Variants in JSRP1 observed in about 807,000 individuals in gnomAD.
JSRP1 encodes the protein junctional sarcoplasmic reticulum protein 1.
A neutral mutation model predicts 21.4 loss-of-function variants in JSRP1; 29 were observed. That is an observed-to-expected ratio of 1.36 (90% CI 1.01 to 1.85). The LOEUF (loss-of-function observed/expected upper bound fraction) is 1.85, where lower values mean the gene tolerates loss of function less well. JSRP1 is among the 40% of genes most tolerant of loss of function. The probability of loss-of-function intolerance (pLI) is 0.00; values close to 1 mark genes in which losing one functional copy is unlikely to be tolerated. For synonymous variants in JSRP1, 221 were observed against 206.1 expected (o/e 1.07, Z -0.62); for missense variants, 531 against 461.5 (o/e 1.15, Z -1.38).
chr19:2,252,849 G>A (rs2025081277), intron 6 of JSRP1, 53 bp from the exon 7 acceptor site: 1 of 1,596,318 alleles, frequency 6.3e-7, no homozygotes, highest in Non-Finnish European at 8.6e-7. Context: ...CCCCGGCCCG[G>A]GCTCCTTCTT....
chr19:2,256,277 T>A (rs879349229), intron 1 of JSRP1, 106 bp downstream of exon 1: 1 of 152,194 alleles, frequency 6.6e-6, no homozygotes, highest in South Asian at 2.1e-4. Context: ...GCTCCAGGAA[T>A]TGGGGACCCT....
chr19:2,253,223 T>TC (rs376968570), intron 5 of JSRP1, among the ~76,000 whole-genome samples: 6 of 151,966 alleles, frequency 3.9e-5, no homozygotes, highest in African/African-American at 7.3e-5. Context: ...TGGTCATTCT[T>TC]CCCCCCGACC....
chr19:2,252,673 CCTCG>C lies in JSRP1; in HGVS notation c.648_651del (p.Glu217ProfsTer11). ...TCCTCCCGGACGGCCTCTCCGGTGG[CCTCG>C]CCGGGCTCCTCTTCGTCGTTCTCTG... On this transcript the variant is annotated frameshift_variant, in exon 7 of 7. Transcript: ENST00000300961. LOFTEE classifies it low-confidence loss of function (END_TRUNC). The C allele has an allele frequency of 6.2e-7, 1 of 1,612,172 alleles. No homozygotes were observed. The highest frequency in any genetic ancestry group is 8.5e-7 in the Non-Finnish European group (1 of 1,179,944).
chr19:2,255,394 G>A (rs1222989333), intron 1 of JSRP1, 50 bp from the exon 2 acceptor site: 1 of 856,336 alleles, frequency 1.2e-6, no homozygotes, highest in African/African-American at 1.7e-5. Context: ...CTCTGCCACA[G>A]GCCTGGGCCT....
Position 2,252,756 on chromosome 19 carries a change from G to T in JSRP1, c.569C>A (p.Ala190Glu), listed in dbSNP as rs1478152988. Residue 190 changes from alanine to glutamate, a missense_variant, in exon 7 of 7, where the codon GCG (alanine) becomes GAG (glutamate). Coordinates refer to ENST00000300961, the MANE Select transcript of JSRP1 (RefSeq NM_144616.4). ...EAQAPPSAPP[A>E]PRAEAEVRPK... ...TCTGACCTCTGCCTCGGCCCGGGGC[G>T]CAGGCGGCGCTGATGGAGGCGCCTG... 9.9e-6 allele frequency: 16 copies of T among 1,612,368 alleles called. No individual in the cohort carries two copies. Among genetic ancestry groups the T allele is most frequent in the Non-Finnish European group, 1.4e-5 (16 of 1,179,816 alleles).
intron 2 of JSRP1, 34 bp from the exon 3 acceptor site, chr19:2,254,516 G>T (rs1043325537): frequency 6.2e-7 from 1 of 1,611,320 alleles, no homozygotes; most frequent in Admixed American, 1.7e-5. Context: ...AGGTTGTGGG[G>T]ACCCCCAGGC....
At chr19:2,252,837 C>T (rs1599141488) in intron 6 of JSRP1, 41 bp from the exon 7 acceptor site, 2 of 1,586,630 alleles carry the variant, frequency 1.3e-6, no homozygotes, top group Non-Finnish European at 8.6e-7. Flanking sequence ...CGCCCACCTT[C>T]CCCCCGGCCC....
chr19:2,254,297 G>C lies in JSRP1; in HGVS notation c.152C>G (p.Ser51Cys). Residue 51 changes from serine to cysteine, a missense_variant, in exon 4 of 7, where the codon TCT (serine) becomes TGT (cysteine). Physicochemically the swap from Ser to Cys is moderately radical, Grantham distance 112. Transcript: ENST00000300961. Reference protein sequence around the residue: ...LADSGSVPHDSQVAEGPSVDT... With the variant: ...LADSGSVPHDCQVAEGPSVDT... The stretch of plus-strand genomic sequence containing the variant: ...CACACTGGGGCCTTCAGCCACCTGA[G>C]AGTCCTGTGGTTATCACGAGACATT... 1 of 1,595,272 alleles carries C rather than the reference G, an allele frequency of 6.3e-7. No homozygotes were observed. Among genetic ancestry groups the C allele is most frequent in the Non-Finnish European group, 8.6e-7 (1 of 1,167,158 alleles).
At chr19:2,255,043 C>T (rs898307852) in intron 2 of JSRP1, among the ~76,000 whole-genome samples, 163 bp downstream of exon 2, 3 of 152,150 alleles carry the variant, frequency 2.0e-5, no homozygotes, top group Non-Finnish European at 4.4e-5. Context: ...GGGCTCCTTA[C>T]AGACCCCTGA....
Position 2,254,228 on chromosome 19 carries a change from C to T in JSRP1, c.221G>A (p.Gly74Glu). The change falls in exon 4 of 7, where the codon GGG becomes GAG. Residue 74 changes from glycine (G) to glutamate (E), a missense_variant. By Grantham distance (98) the Gly-to-Glu change is moderately conservative. Transcript: ENST00000300961. Reference protein sequence around the residue: ...KKMEKEPAARGTPGTGKERLK... With the variant: ...KKMEKEPAARETPGTGKERLK... ...CCTCTCCTTCCCCGTTCCTGGGGTC[C>T]CCCTGGCGGCAGGCTCTTTTTCCAT... 6.2e-7 allele frequency: 1 copy of T among 1,606,344 alleles called. No homozygotes were observed. Among genetic ancestry groups the T allele is most frequent in the South Asian group, 1.1e-5 (1 of 89,986 alleles).
intron 4 of JSRP1, 63 bp from the exon 5 acceptor site, chr19:2,253,856 G>C: frequency 7.5e-7 from 1 of 1,330,262 alleles, no homozygotes; most frequent in Non-Finnish European, 9.6e-7. Flanking sequence ...TTCCCCGGGC[G>C]CAGGGGACAA....
At chr19:2,253,107 G>A in intron 5 of JSRP1, 104 bp from the exon 6 acceptor site, 1 of 804,162 alleles carries the variant, frequency 1.2e-6, no homozygotes, top group Non-Finnish European at 2.0e-6. Flanking sequence ...CAGTTGGAGT[G>A]GGGCTCCCCC....
In JSRP1 at chr19:2,255,275, CG is replaced by C; in HGVS notation, c.39del (p.Gly14AlafsTer70). ...MTTRAWEELDGGLGSCQALED... is the reference protein window; with the variant it reads ...MTTRAWEELDXGLGSCQALED... ...TCCAGGGCCTGGCAGCTGCCCAGGC[CG>C]CCATCCAGCTCCTCCCAGGCTCTGG... On this transcript the variant is annotated frameshift_variant, in exon 2 of 7. Coordinates refer to ENST00000300961, the MANE Select transcript of JSRP1 (RefSeq NM_144616.4). LOFTEE classifies it high-confidence loss of function. 6.2e-7 allele frequency: 1 copy of C among 1,611,348 alleles called. No homozygotes were observed. The highest frequency in any genetic ancestry group is 1.3e-5 in the African/African-American group (1 of 75,004).
Position 2,253,618 on chromosome 19 carries a change from A to G in JSRP1, c.436+2T>C. On this transcript the variant is annotated splice_donor_variant, in intron 5 of 6. Transcript: ENST00000300961. LOFTEE classifies it high-confidence loss of function. ...CCCCACCTCTGGGGAGCCTGCGCTCACCGCGGCACAGCTGGAAAGCCGAGC... is the reference window on the plus strand; with the variant it reads ...CCCCACCTCTGGGGAGCCTGCGCTCGCCGCGGCACAGCTGGAAAGCCGAGC... 6.8e-7 allele frequency: 1 copy of G among 1,472,872 alleles called. No homozygotes were observed. The highest frequency in any genetic ancestry group is 2.5e-5 in the Admixed American group (1 of 40,582). 91.2% of individuals were successfully genotyped at this position (1,472,872 alleles called of 1,614,324 possible).
rs750788122 is a variant in JSRP1, at chr19:2,254,460, G to C, written c.132C>G (p.Ser44=). The change falls in exon 3 of 7, where the codon TCC becomes TCG. Residue 44 remains serine, a synonymous_variant. Coordinates refer to ENST00000300961, the MANE Select transcript of JSRP1 (RefSeq NM_144616.4). The part of the protein sequence containing the change: ...RASATPRLAD[S]GSVPHDSQVA... ...AGCTACTCACGTGGGGCACGCTGCC[G>C]GAGTCGGCCAGCCTGGGTGTCGCTG... 6.2e-7 allele frequency: 1 copy of C among 1,612,886 alleles called. No individual in the cohort carries two copies. The highest frequency in any genetic ancestry group is 2.2e-5 in the East Asian group (1 of 44,890).
chr19:2,255,565 C>T (rs1202101101), intron 1 of JSRP1, among the ~76,000 whole-genome samples: 1 of 152,234 alleles, frequency 6.6e-6, no homozygotes, highest in Non-Finnish European at 1.5e-5. Context: ...CCCAGCCTCA[C>T]TGGGGTCCAG....
At chr19:2,254,581 T>G in intron 2 of JSRP1, 99 bp from the exon 3 acceptor site, 1 of 1,331,656 alleles carries the variant, frequency 7.5e-7, no homozygotes, top group Non-Finnish European at 1.1e-6. Flanking sequence ...ACTAACCCCA[T>G]CTTATAGATA....
At position 2,253,719 on chromosome 19, in the gene JSRP1, G is replaced by T; in HGVS notation, c.337C>A (p.Leu113Met). Reference protein sequence around the residue: ...PLQPPPPPPALSEELPWGDLS... With the variant: ...PLQPPPPPPAMSEELPWGDLS... ...TCTCCCCAGGGCAGCTCCTCGCTCA[G>T]GGCCGGGGGCGGCGGCGGCGGCTGC... is the stretch of plus-strand genomic sequence containing the variant. Residue 113 changes from leucine (L) to methionine (M), a missense_variant, in exon 5 of 7, where the codon CTG becomes ATG. Physicochemically the swap from Leu to Met is conservative, Grantham distance 15 (BLOSUM62 2). Coordinates refer to ENST00000300961, the MANE Select transcript of JSRP1 (RefSeq NM_144616.4). 6.7e-7 allele frequency: 1 copy of T among 1,493,360 alleles called. No homozygotes were observed. The allele number at this position is 1,493,360 out of a possible 1,614,324, so 92.5% of individuals were successfully genotyped here.
rs564518730 is a variant in JSRP1 at position 2,255,867 on chromosome 19, C to T, written c.-31+516G>A. On this transcript the variant is annotated intron_variant, in intron 1 of 6. Transcript: ENST00000300961. ...CCTGCTGCGTGACCCTGTGAGTCTA[C>T]AGGCTCAGGCCCCAGCAGCAGAACC... Among the ~76,000 whole-genome samples the T allele has an allele frequency of 3.3e-5, 5 of 152,274 alleles. No individual in the cohort carries two copies. In the South Asian group the frequency reaches 1.0e-3, roughly 32 times the overall value.
Sources: allele counts gnomAD v4.1 joint callset (sites outside exome capture counted in the v4.1 genomes callset), GRCh38; gene constraint gnomAD v4.1.1; transcripts MANE v1.5; gene names NCBI Gene and HGNC (gene_info 2026-07-23, HGNC 2026-07-21).